Variants in OLA1 observed in about 807,000 individuals in gnomAD.
The protein encoded by OLA1 is obg-like ATPase 1.
OLA1 carries 14 observed loss-of-function variants against 48.4 expected under a neutral mutation model. The observed-to-expected ratio is 0.29, with a 90% CI of 0.19 to 0.45. The LOEUF (loss-of-function observed/expected upper bound fraction) is 0.45, where lower values mean the gene tolerates loss of function less well. Ranked by LOEUF, OLA1 falls within the 20% of genes least tolerant of loss-of-function variation. The pLI, the probability that OLA1 is intolerant of heterozygous loss-of-function variation, is 1.00. For missense variants in OLA1, 325 were observed against 467.1 expected (o/e 0.70, Z 2.80); for synonymous variants, 127 against 150.4 (o/e 0.84, Z 1.14).
At chr2:174,232,786 G>A (rs34038605) in intron 2 of OLA1, among the ~76,000 whole-genome samples, 284 of 152,246 alleles carry the variant, frequency 1.9e-3, no homozygotes, top group African/African-American at 2.7e-3. Context: ...TAGACGCTAC[G>A]GAAAACAGTT....
intron 3 of OLA1, among the ~76,000 whole-genome samples, chr2:174,224,790 T>C (rs1160771328): frequency 6.6e-6 from 1 of 151,982 alleles, no homozygotes; most frequent in Non-Finnish European, 1.5e-5. Context: ...AAGACAACCT[T>C]ATGGTCAAGT....
chr2:174,153,222 C>G (rs1003393038), intron 4 of OLA1, among the ~76,000 whole-genome samples: 1 of 152,004 alleles, frequency 6.6e-6, no homozygotes, highest in Non-Finnish European at 1.5e-5. Flanking sequence ...AAAAATAATT[C>G]CAAACCTTGA....
chr2:174,215,681 T>C (rs569670620), intron 4 of OLA1, among the ~76,000 whole-genome samples: 1 of 152,264 alleles, frequency 6.6e-6, no homozygotes, highest in South Asian at 2.1e-4. Context: ...TTATCAAAAC[T>C]TAGACACACT....
chr2:174,231,220 G>C (rs1449695314), intron 2 of OLA1, among the ~76,000 whole-genome samples: 3 of 152,104 alleles, frequency 2.0e-5, no homozygotes, highest in Non-Finnish European at 2.9e-5. Flanking sequence ...TAAGTTGCCA[G>C]AACAGTCCAG....
intron 2 of OLA1, among the ~76,000 whole-genome samples, chr2:174,235,795 G>A (rs1225680035): frequency 6.6e-6 from 1 of 152,162 alleles, no homozygotes; most frequent in Non-Finnish European, 1.5e-5. Context: ...AATGATTTGC[G>A]CATGAGTAAA....
intron 1 of OLA1, chr2:174,247,952 G>A (rs1029829737): frequency 1.3e-5 from 10 of 749,638 alleles, no homozygotes; most frequent in Non-Finnish European, 2.1e-5. Flanking sequence ...AACTGTCCCA[G>A]TCTTCTGGCT....
intron 3 of OLA1, among the ~76,000 whole-genome samples, chr2:174,223,765 C>CAAAAAAAA (rs71021680): frequency 2.7e-5 from 2 of 73,324 alleles, no homozygotes; most frequent in African/African-American, 5.4e-5. Flanking sequence ...GTTATATAGA[C>CAAAAAAAA]AAAAAAAAAA....
chr2:174,144,951 A>ATATATATATATAT (rs1553483449), intron 4 of OLA1, among the ~76,000 whole-genome samples: 4 of 40,296 alleles, frequency 9.9e-5, no homozygotes, highest in East Asian at 3.9e-3. Flanking sequence ...AAAAAAAAAA[A>ATATATATATATAT]ATATATATAT....
chr2:174,076,964 ATTAATGTAACTTTATATACTTTG>A (rs1684753813), intron 10 of OLA1, among the ~76,000 whole-genome samples: 1 of 152,122 alleles, frequency 6.6e-6, no homozygotes, highest in Admixed American at 6.6e-5. Flanking sequence ...GACATGACAT[ATTAATGTAACTTTATATACTTTG>A]TTACCACTCA....
At chr2:174,125,752 A>G (rs1429873964) in intron 5 of OLA1, among the ~76,000 whole-genome samples, 6 of 152,184 alleles carry the variant, frequency 3.9e-5, no homozygotes, top group Non-Finnish European at 8.8e-5. Flanking sequence ...TTCTCACATT[A>G]CAAATTACAT....
At chr2:174,245,006 C>T (rs1370384435) in intron 2 of OLA1, among the ~76,000 whole-genome samples, 2 of 152,090 alleles carry the variant, frequency 1.3e-5, no homozygotes, top group African/African-American at 4.8e-5. Context: ...CAGAGGGTTG[C>T]CTATATGTAC....
At chr2:174,208,429 A>G (rs1688164466) in intron 4 of OLA1, among the ~76,000 whole-genome samples, 1 of 152,106 alleles carries the variant, frequency 6.6e-6, no homozygotes, top group African/African-American at 2.4e-5. Context: ...CGCCTCTCTA[A>G]TCAGCTATAC....
intron 4 of OLA1, among the ~76,000 whole-genome samples, chr2:174,218,491 T>C (rs1051539995): frequency 6.6e-6 from 1 of 152,224 alleles, no homozygotes; most frequent in Non-Finnish European, 1.5e-5. Flanking sequence ...AGCACTTGTT[T>C]AGTGAAAGAT....
intron 4 of OLA1, among the ~76,000 whole-genome samples, chr2:174,188,371 AAATAAT>A (rs34087383): frequency 7.4e-5 from 11 of 149,260 alleles, no homozygotes; most frequent in East Asian, 2.0e-4. Flanking sequence ...TTCCTCCTAA[AAATAAT>A]AATAATAATA....
chr2:174,140,017 C>T (rs973475206), intron 5 of OLA1, among the ~76,000 whole-genome samples: 33 of 152,186 alleles, frequency 2.2e-4, no homozygotes, highest in African/African-American at 7.9e-4. Context: ...GTCTTTCACG[C>T]TTATTGACAT....
chr2:174,092,697 C>A (rs1275520967), intron 7 of OLA1, among the ~76,000 whole-genome samples: 1 of 152,100 alleles, frequency 6.6e-6, no homozygotes, highest in East Asian at 1.9e-4. Context: ...ATTATTCTTA[C>A]ATACCTTATC....
At chr2:174,212,956 T>C (rs994079107) in intron 4 of OLA1, among the ~76,000 whole-genome samples, 9 of 152,164 alleles carry the variant, frequency 5.9e-5, no homozygotes, top group African/African-American at 2.2e-4. Flanking sequence ...GAGTACACTC[T>C]AACGAGAAAA....
intron 4 of OLA1, among the ~76,000 whole-genome samples, chr2:174,143,586 T>A (rs543483622): frequency 3.9e-5 from 6 of 152,334 alleles, no homozygotes; most frequent in African/African-American, 1.4e-4. Context: ...CATAGTGATG[T>A]CCTCAACAAC....
At position 174,248,520 on chromosome 2, in the gene OLA1, G is replaced by A; in HGVS notation, c.-69C>T. 6.0e-6 allele frequency: 1 copy of A among 165,952 alleles called. No homozygotes were observed. 10.3% of individuals were successfully genotyped at this position (165,952 alleles called of 1,614,324 possible). ...GAGAAAGGTCCTGCCGGCAGCTGGAGGCGGGGAGGAAGGAGGAGAGAACGC... is the reference window on the plus strand; with the variant it reads ...GAGAAAGGTCCTGCCGGCAGCTGGAAGCGGGGAGGAAGGAGGAGAGAACGC... On this transcript the variant is annotated 5_prime_UTR_variant, in exon 1 of 11. Transcript: ENST00000284719.
Sources: allele counts gnomAD v4.1 joint callset (sites outside exome capture counted in the v4.1 genomes callset), GRCh38; gene constraint gnomAD v4.1.1; transcripts MANE v1.5; gene names NCBI Gene and HGNC (gene_info 2026-07-23, HGNC 2026-07-21).